Variants in ABCA8 observed in about 807,000 individuals in gnomAD.
The protein encoded by ABCA8 is ABC-type organic anion transporter ABCA8.
In ABCA8, 177 loss-of-function variants were observed where a neutral mutation model predicts 192.3. That is an observed-to-expected ratio of 0.92 (90% CI 0.81 to 1.04). The LOEUF (loss-of-function observed/expected upper bound fraction) is 1.04, where lower values mean the gene tolerates loss of function less well. Among genes scored for constraint, ABCA8 ranks in the 50% least tolerant of loss-of-function variants. The pLI is 0.00. For missense variants in ABCA8, 1,915 were observed against 1,904.8 expected (o/e 1.01, Z -0.10); for synonymous variants, 642 against 690.2 (o/e 0.93, Z 1.09).
At chr17:68,915,490 A>G (rs538037685) in intron 17 of ABCA8, among the ~76,000 whole-genome samples, 5 of 152,206 alleles carry the variant, frequency 3.3e-5, no homozygotes, top group Non-Finnish European at 7.4e-5. Context: ...TTCCCAAAAG[A>G]AGACATACAA....
intron 32 of ABCA8, chr17:68,879,492 T>C (rs1414045073): frequency 2.0e-5 from 3 of 152,202 alleles, no homozygotes; most frequent in African/African-American, 7.2e-5. Flanking sequence ...GCAAAGATGC[T>C]GGCTGCAGCA....
At chr17:68,922,944 C>T (rs140422471) in intron 11 of ABCA8, among the ~76,000 whole-genome samples, 32 of 152,188 alleles carry the variant, frequency 2.1e-4, no homozygotes, top group African/African-American at 7.5e-4. Flanking sequence ...TAAAATATTT[C>T]ATCTCGCATG....
At chr17:68,907,690 A>G (rs757101845) in intron 18 of ABCA8, 50 bp downstream of exon 18, 6 of 1,451,706 alleles carry the variant, frequency 4.1e-6, no homozygotes, top group Admixed American at 4.6e-5. Flanking sequence ...AATTATGATG[A>G]TGATGACTAT....
At chr17:68,944,363 CAT>C (rs2068334789) in intron 2 of ABCA8, among the ~76,000 whole-genome samples, 6 of 71,106 alleles carry the variant, frequency 8.4e-5, no homozygotes, top group Non-Finnish European at 1.2e-4. Flanking sequence ...TATATATACA[CAT>C]ATACATACAT....
At chr17:68,871,088 T>C (rs2066038745) in intron 37 of ABCA8, among the ~76,000 whole-genome samples, 2 of 152,164 alleles carry the variant, frequency 1.3e-5, no homozygotes, top group African/African-American at 2.4e-5. Flanking sequence ...CAATTTATAA[T>C]AAAAATAATT....
intron 30 of ABCA8, 122 bp downstream of exon 30, chr17:68,882,477 T>C: frequency 7.1e-6 from 6 of 845,202 alleles, no homozygotes; most frequent in Admixed American, 2.8e-5. Flanking sequence ...CATTTAATCG[T>C]AAAAATGGCA....
At chr17:68,873,214 A>C (rs2066111942) in intron 37 of ABCA8, among the ~76,000 whole-genome samples, 1 of 152,190 alleles carries the variant, frequency 6.6e-6, no homozygotes, top group Non-Finnish European at 1.5e-5. Context: ...GTTTAGATAC[A>C]CAAGTTCTTA....
intron 21 of ABCA8, among the ~76,000 whole-genome samples, chr17:68,898,082 A>G (rs963040100): frequency 1.3e-5 from 2 of 152,214 alleles, no homozygotes; most frequent in African/African-American, 2.4e-5. Context: ...AGGCAAAGAG[A>G]ATGTTTCCTT....
At chr17:68,916,134 G>C (rs949340133) in intron 17 of ABCA8, among the ~76,000 whole-genome samples, 2 of 152,008 alleles carry the variant, frequency 1.3e-5, no homozygotes, top group African/African-American at 4.8e-5. Context: ...AAGGGTAGTG[G>C]GGTGGTGGGG....
intron 2 of ABCA8, chr17:68,944,843 C>G (rs902089759): frequency 1.3e-5 from 2 of 152,242 alleles, no homozygotes; most frequent in African/African-American, 4.8e-5. Context: ...AAAGCAGAGA[C>G]AGGCTCTCAC....
At chr17:68,885,804 C>T (rs919796275) in intron 26 of ABCA8, among the ~76,000 whole-genome samples, 8 of 152,018 alleles carry the variant, frequency 5.3e-5, no homozygotes, top group African/African-American at 1.9e-4. Context: ...CTGACCTAGG[C>T]CTTCCAAAGT....
chr17:68,883,225 T>C (rs2066376397), intron 29 of ABCA8, among the ~76,000 whole-genome samples: 1 of 152,228 alleles, frequency 6.6e-6, no homozygotes, highest in Non-Finnish European at 1.5e-5. Flanking sequence ...AAAGGTCTGC[T>C]TTCATCTTGG....
chr17:68,876,332 C>A, intron 35 of ABCA8, 128 bp downstream of exon 35: 4 of 999,248 alleles, frequency 4.0e-6, no homozygotes, highest in South Asian at 1.6e-5. Flanking sequence ...ATTGGTTTTA[C>A]AAGTGACATT....
At chr17:68,944,214 A>G (rs1361158339) in intron 2 of ABCA8, among the ~76,000 whole-genome samples, 1 of 150,432 alleles carries the variant, frequency 6.6e-6, no homozygotes, top group African/African-American at 2.5e-5. Flanking sequence ...TGTGGGGCTT[A>G]AAACCTAGAT....
intron 19 of ABCA8, among the ~76,000 whole-genome samples, chr17:68,904,693 G>A (rs992174871): frequency 1.3e-5 from 2 of 151,938 alleles, no homozygotes; most frequent in African/African-American, 4.8e-5. Context: ...ACTTTTTTTC[G>A]TGGAGCCTTT....
intron 4 of ABCA8, among the ~76,000 whole-genome samples, chr17:68,938,125 T>C (rs991955364): frequency 1.3e-5 from 2 of 152,178 alleles, no homozygotes; most frequent in African/African-American, 4.8e-5. Flanking sequence ...GGATAGTTCA[T>C]ATCACATTAT....
At chr17:68,890,379 TA>T (rs751528972) in intron 24 of ABCA8, among the ~76,000 whole-genome samples, 38 of 152,360 alleles carry the variant, frequency 2.5e-4, no homozygotes, top group Middle Eastern at 3.4e-3. Flanking sequence ...TTTGTCCATT[TA>T]AAAAATTAGG....
chr17:68,901,800 T>C (rs1451252070), intron 21 of ABCA8, among the ~76,000 whole-genome samples: 1 of 134,006 alleles, frequency 7.5e-6, no homozygotes, highest in African/African-American at 2.8e-5. Flanking sequence ...CAGAGCGAGA[T>C]TCCATCTCAA....
intron 7 of ABCA8, 84 bp from the exon 8 acceptor site, chr17:68,929,786 A>C: frequency 8.6e-7 from 1 of 1,160,394 alleles, no homozygotes; most frequent in Non-Finnish European, 1.2e-6. Flanking sequence ...ATAACTCTTC[A>C]TTCACTTATT....
Sources: allele counts gnomAD v4.1 joint callset (sites outside exome capture counted in the v4.1 genomes callset), GRCh38; gene constraint gnomAD v4.1.1; transcripts MANE v1.5; gene names NCBI Gene and HGNC (gene_info 2026-07-23, HGNC 2026-07-21).